Variants in SV2B observed in about 807,000 individuals in gnomAD.
The protein encoded by SV2B is solute carrier family 22 member B2.
A neutral mutation model predicts 73.9 loss-of-function variants in SV2B; 41 were observed. That is an observed-to-expected ratio of 0.56 (90% CI 0.43 to 0.72). SV2B has a LOEUF of 0.72. Ranked by LOEUF, SV2B falls within the 30% of genes least tolerant of loss-of-function variation. SV2B has a pLI of 0.00. For missense variants in SV2B, 764 were observed against 857.8 expected (o/e 0.89, Z 1.37); for synonymous variants, 314 against 314.2 (o/e 1.00, Z 0.01).
intron 1 of SV2B, among the ~76,000 whole-genome samples, chr15:91,188,037 G>A (rs2044842682): frequency 6.6e-6 from 1 of 151,376 alleles, no homozygotes; most frequent in African/African-American, 2.4e-5. Context: ...CAAACATATT[G>A]TATTGACTAT....
At chr15:91,113,542 G>C (rs920248761) in intron 1 of SV2B, among the ~76,000 whole-genome samples, 1 of 152,170 alleles carries the variant, frequency 6.6e-6, no homozygotes, top group African/African-American at 2.4e-5. Context: ...TAGCTGGGCT[G>C]TTGGGTTGCC....
In SV2B at chr15:91,267,016, AAGTG is replaced by A. The variant is rs1389702748; in HGVS notation, c.1119+328_1119+331del. ...TTTTAAAATAATCACATGGAGGAAG[AAGTG>A]AGTAAAATAAATGACCCCTTGAGGC... On this transcript the variant is annotated intron_variant, in intron 7 of 12. Coordinates refer to ENST00000394232, the MANE Select transcript of SV2B (RefSeq NM_001323032.3). The surrounding 1 kb of genome is among the most constrained non-coding windows in gnomAD (Gnocchi z 4.3). 1.9e-5 allele frequency: 4 copies of A among 209,934 alleles called. No homozygotes were observed. The East Asian group carries it at 3.3e-4, about 17-fold the overall frequency. 13.0% of individuals were successfully genotyped at this position (209,934 alleles called of 1,614,324 possible).
At chr15:91,191,068 T>C (rs984043383) in intron 1 of SV2B, among the ~76,000 whole-genome samples, 2 of 118,232 alleles carry the variant, frequency 1.7e-5, no homozygotes, top group South Asian at 2.7e-4. Flanking sequence ...TGTTTCTTTT[T>C]TTTTTTTTTT....
chr15:91,199,076 C>T (rs917322788), intron 1 of SV2B, among the ~76,000 whole-genome samples: 2 of 152,062 alleles, frequency 1.3e-5, no homozygotes, highest in Non-Finnish European at 2.9e-5. Flanking sequence ...TACTGGAACT[C>T]CTAGGCTTGA....
In SV2B at chr15:91,156,784, G is replaced by A. The variant is rs371412319; in HGVS notation, c.-392+56421G>A. On this transcript the variant is annotated intron_variant, in intron 1 of 12. Coordinates refer to ENST00000394232, the MANE Select transcript of SV2B (RefSeq NM_001323032.3). ...TATCACCTGCCTTGATCACTTCCTG[G>A]AAAACCTCCAGGGTGCAGTATCTTT... Among the ~76,000 whole-genome samples the A allele has an allele frequency of 1.1e-4, 16 of 152,290 alleles. No homozygotes were observed. The South Asian group carries it at 3.3e-3, about 32-fold the overall frequency.
At chr15:91,153,552 C>T (rs1343845442) in intron 1 of SV2B, among the ~76,000 whole-genome samples, 1 of 152,132 alleles carries the variant, frequency 6.6e-6, no homozygotes, top group Non-Finnish European at 1.5e-5. Context: ...TAAGCTGATT[C>T]ATGGAAAACT....
chr15:91,191,063 C>CTTTTTTTTTTTTTTTTTG (rs2044998412), intron 1 of SV2B, among the ~76,000 whole-genome samples: 1 of 64,238 alleles, frequency 1.6e-5, no homozygotes, highest in African/African-American at 5.4e-5. Context: ...TTTGGTGTTT[C>CTTTTTTTTTTTTTTTTTG]TTTTTTTTTT....
At chr15:91,125,226 C>T (rs576762764) in intron 1 of SV2B, among the ~76,000 whole-genome samples, 4 of 152,290 alleles carry the variant, frequency 2.6e-5, no homozygotes, top group African/African-American at 4.8e-5. Flanking sequence ...TATCCAAATA[C>T]GGTCACATTC....
intron 1 of SV2B, among the ~76,000 whole-genome samples, chr15:91,192,378 TCC>T (rs1426326538): frequency 1.3e-5 from 2 of 152,252 alleles, no homozygotes; most frequent in African/African-American, 4.8e-5. Flanking sequence ...GGATTTCTGT[TCC>T]TTTCTCTAAC....
chr15:91,210,394 A>G (rs1355917922), intron 1 of SV2B, among the ~76,000 whole-genome samples: 1 of 152,088 alleles, frequency 6.6e-6, no homozygotes, highest in Non-Finnish European at 1.5e-5. Flanking sequence ...ATGGCAGGCA[A>G]TCCTAGAGGA....
intron 1 of SV2B, among the ~76,000 whole-genome samples, chr15:91,135,733 C>T (rs917876753): frequency 1.3e-5 from 2 of 152,190 alleles, no homozygotes; most frequent in Non-Finnish European, 2.9e-5. Context: ...TGGTGCTTTG[C>T]CTACTTACTT....
rs1567411049 is a variant in SV2B at position 91,265,622 on chromosome 15, C to T, written c.1009-960C>T. ...GGGGGTCATAACATCCATGAAGGTA[C>T]TGAATAGCTTGAAGCCCAGCTGCAG... On this transcript the variant is annotated intron_variant, in intron 6 of 12. Transcript: ENST00000394232. This position sits in a 1 kb window ranked among gnomAD's most constrained non-coding sequence, Gnocchi z 4.2. 6.6e-6 allele frequency among the ~76,000 whole-genome samples: 1 copy of T among 152,200 alleles called. No individual in the cohort carries two copies. Among genetic ancestry groups the T allele is most frequent in the Non-Finnish European group, 1.5e-5 (1 of 68,038 alleles).
In SV2B at chr15:91,210,110, CA is replaced by C. The variant is rs141648440; in HGVS notation, c.-391-15762del. 7.7e-3 allele frequency among the ~76,000 whole-genome samples: 1,176 copies of C among 151,842 alleles called. 13 individuals are homozygous for C. The highest frequency in any genetic ancestry group is 0.027 in the African/African-American group (1,122 of 41,374). ...TGACACCCGGGGGCTGAGTCTATGG[CA>C]GGATAATTAGGAGATGGAGATAGGA... is the stretch of plus-strand genomic sequence containing the variant. On this transcript the variant is annotated intron_variant, in intron 1 of 12. Transcript: ENST00000394232.
Position 91,115,696 on chromosome 15 carries a change from G to C in SV2B, c.-392+15333G>C, listed in dbSNP as rs1376170239. Among the ~76,000 whole-genome samples, 2 of 151,872 alleles carry C rather than the reference G, an allele frequency of 1.3e-5. No individual in the cohort carries two copies. Among genetic ancestry groups the C allele is most frequent in the Non-Finnish European group, 2.9e-5 (2 of 67,988 alleles). On this transcript the variant is annotated intron_variant, in intron 1 of 12. Coordinates refer to ENST00000394232, the MANE Select transcript of SV2B (RefSeq NM_001323032.3). The surrounding 1 kb of genome is among the most constrained non-coding windows in gnomAD (Gnocchi z 4.3). ...CTGGCCTTCCTTATTTTTTTCTAAG[G>C]GGTTTCTAAGGGGTTCACATTTTTA...
intron 1 of SV2B, among the ~76,000 whole-genome samples, chr15:91,208,029 G>A (rs75889043): frequency 0.012 from 1,827 of 152,306 alleles, 45 homozygotes; most frequent in East Asian, 0.12. Flanking sequence ...GGAGAAGGGG[G>A]TCAGAGAAGG....
Position 91,118,646 on chromosome 15 carries a change from C to G in SV2B, c.-392+18283C>G, listed in dbSNP as rs1212473345. Among the ~76,000 whole-genome samples the G allele has an allele frequency of 6.6e-6, 1 of 152,190 alleles. No homozygotes were observed. Among genetic ancestry groups the G allele is most frequent in the African/African-American group, 2.4e-5 (1 of 41,460 alleles). ...CTGCCCCTTTCTGAGAGGCTCCCTA[C>G]TGCCCAAGAGGGCCGAGGTGAGGCT... On this transcript the variant is annotated intron_variant, in intron 1 of 12. Transcript: ENST00000394232. The surrounding 1 kb of genome is among the most constrained non-coding windows in gnomAD (Gnocchi z 4.7).
chr15:91,173,025 A>G (rs573559846), intron 1 of SV2B, among the ~76,000 whole-genome samples: 1 of 152,256 alleles, frequency 6.6e-6, no homozygotes, highest in South Asian at 2.1e-4. Context: ...TGAAAGATAC[A>G]AAGAGGAGAC....
At chr15:91,103,578 T>C (rs943568058) in intron 1 of SV2B, among the ~76,000 whole-genome samples, 1 of 152,242 alleles carries the variant, frequency 6.6e-6, no homozygotes, top group Non-Finnish European at 1.5e-5. Flanking sequence ...AGTTTGCTGC[T>C]CTGCCCTTTG....
In SV2B at chr15:91,183,966, C is replaced by CA. The variant is rs3082124; in HGVS notation, c.-391-41899dup. Among the ~76,000 whole-genome samples, 735 of 151,354 alleles carry CA rather than the reference C, an allele frequency of 4.9e-3. 9 individuals carry two copies. Among genetic ancestry groups the CA allele is most frequent in the African/African-American group, 0.016 (666 of 41,294 alleles). ...GACACCCCAAATAATCGCCTGGGGACAAAAAAAACTGCAGTATCATCAGGA... is the reference window on the plus strand; with the variant it reads ...GACACCCCAAATAATCGCCTGGGGACAAAAAAAAACTGCAGTATCATCAGGA... On this transcript the variant is annotated intron_variant, in intron 1 of 12. Coordinates refer to ENST00000394232, the MANE Select transcript of SV2B (RefSeq NM_001323032.3).
Sources: gnomAD v4.1 joint callset for allele counts (sites outside exome capture counted in the v4.1 genomes callset) on GRCh38, gnomAD v4.1.1 for gene constraint, Gnocchi (gnomAD v3.1) non-coding constraint, MANE v1.5 for transcripts, NCBI Gene and HGNC (gene_info 2026-07-23, HGNC 2026-07-21) for gene names.